The following FARS2 variants were observed in gnomAD, a reference collection of about 807,000 sequenced individuals.
FARS2 encodes the protein phenylalanine--tRNA ligase, mitochondrial.
Under a neutral mutation model 46.4 loss-of-function variants are expected in FARS2, and 40 were observed. The ratio of observed to expected loss-of-function variants is 0.86; its 90% CI spans 0.67 to 1.12. The LOEUF (loss-of-function observed/expected upper bound fraction) is 1.12, where lower values mean the gene tolerates loss of function less well. FARS2 is among the 50% of genes most tolerant of loss of function. The pLI, the probability that FARS2 is intolerant of heterozygous loss-of-function variation, is 0.00. For missense variants in FARS2, 513 were observed against 567.9 expected, an observed-to-expected ratio of 0.90 and a Z score of 0.98; for synonymous variants, 234 against 214.9, an observed-to-expected ratio of 1.09 and a Z score of -0.78.
rs1261439767 is a variant in FARS2 at position 5,414,820 on chromosome 6, T to TG, written c.772+10119_772+10120insG. 2.8e-4 allele frequency among the ~76,000 whole-genome samples: 39 copies of TG among 138,530 alleles called. 1 individual carries two copies. Among genetic ancestry groups the TG allele is most frequent in the Admixed American group, 2.5e-3 (34 of 13,666 alleles). The allele number at this position is 138,530 out of a possible 152,430, so 90.9% of individuals were successfully genotyped here. A position where few individuals can be genotyped will look rare whatever the true frequency, so the allele number is the denominator to read the frequency against. ...TGGTAGGTATATGACTGTTTTTTTT[T>TG]TTTTTTTTTTTTTGAGACAGAGTCT... On this transcript the variant is annotated intron_variant, in intron 3 of 6. Coordinates refer to ENST00000274680, the MANE Select transcript of FARS2 (RefSeq NM_006567.5).
chr6:5,380,078 G>C (rs1010757825), intron 2 of FARS2, among the ~76,000 whole-genome samples: 32 of 152,172 alleles, frequency 2.1e-4, no homozygotes, highest in Non-Finnish European at 2.2e-4. Context: ...CAAAATATTT[G>C]TTCTTAATTC....
intron 3 of FARS2, among the ~76,000 whole-genome samples, chr6:5,407,905 G>A (rs2127725302): frequency 6.6e-6 from 1 of 152,326 alleles, no homozygotes; most frequent in Non-Finnish European, 1.5e-5. Context: ...CCATTTTAGA[G>A]GCAGGGTGAG....
chr6:5,685,360 A>T (rs1757117529), intron 6 of FARS2, among the ~76,000 whole-genome samples: 1 of 152,066 alleles, frequency 6.6e-6, no homozygotes, highest in South Asian at 2.1e-4. Flanking sequence ...AGGTGGGGAG[A>T]TCCAATGGCT....
chr6:5,740,194 AG>A (rs1465369133), intron 6 of FARS2, among the ~76,000 whole-genome samples: 1 of 152,204 alleles, frequency 6.6e-6, no homozygotes, highest in African/African-American at 2.4e-5. Flanking sequence ...TATCTCCTCC[AG>A]GCTTATCATG....
rs2753247 is a variant in FARS2, at chr6:5,261,754, A to T, written c.-22+94A>T. On this transcript the variant is annotated intron_variant, in intron 1 of 6. Transcript: ENST00000274680. ...GCCGTGGATTTTTTCCTCTTTCCGG[A>T]TGTGTTTTTGCTTTTGAGTGAAGAG... 54,454 of 152,046 alleles carry T rather than the reference A, an allele frequency of 0.36. 11,804 individuals carry two copies. Among genetic ancestry groups the T allele is most frequent in the African/African-American group, 0.61 (25,398 of 41,422 alleles). 9.4% of individuals were successfully genotyped at this position (152,046 alleles called of 1,614,324 possible).
chr6:5,578,760 G>C (rs1773139182), intron 5 of FARS2, among the ~76,000 whole-genome samples: 1 of 141,636 alleles, frequency 7.1e-6, no homozygotes, highest in Admixed American at 7.4e-5. Context: ...AGTGAGCCCA[G>C]ATCGTGCCAC....
chr6:5,373,708 TGCAGTA>T (rs1344093084), intron 2 of FARS2, among the ~76,000 whole-genome samples: 1 of 152,120 alleles, frequency 6.6e-6, no homozygotes, highest in Non-Finnish European at 1.5e-5. Flanking sequence ...GCCCAGTCTA[TGCAGTA>T]GCAGTAGGCC....
At chr6:5,350,360 A>G (rs1038726406) in intron 1 of FARS2, among the ~76,000 whole-genome samples, 1 of 152,002 alleles carries the variant, frequency 6.6e-6, no homozygotes, top group Non-Finnish European at 1.5e-5. Context: ...TTGGAAAGAC[A>G]TTGTTTCTAG....
chr6:5,328,461 G>T (rs982778717), intron 1 of FARS2, among the ~76,000 whole-genome samples: 1 of 152,178 alleles, frequency 6.6e-6, no homozygotes, highest in African/African-American at 2.4e-5. Context: ...GTCATGTCAT[G>T]AAAGATGAAC....
intron 6 of FARS2, among the ~76,000 whole-genome samples, chr6:5,697,625 T>C (rs1582789632): frequency 1.3e-5 from 2 of 152,238 alleles, no homozygotes; most frequent in Admixed American, 6.5e-5. Flanking sequence ...GAAATAAGTA[T>C]GGCTTTCAAC....
chr6:5,417,793 G>T (rs892510387), intron 3 of FARS2, among the ~76,000 whole-genome samples: 3 of 152,184 alleles, frequency 2.0e-5, no homozygotes, highest in Non-Finnish European at 4.4e-5. Context: ...CTGGAAAATT[G>T]TGGTCAATTA....
Position 5,633,262 on chromosome 6 carries a change from C to CTTTTTT in FARS2, c.1217+19968_1217+19973dup, listed in dbSNP as rs59797062. Among the ~76,000 whole-genome samples, 43 of 50,092 alleles carry CTTTTTT rather than the reference C, an allele frequency of 8.6e-4. 1 individual carries two copies. The highest frequency in any genetic ancestry group is 1.6e-3 in the Admixed American group (5 of 3,032). 32.9% of individuals were successfully genotyped at this position (50,092 alleles called of 152,430 possible). ...TACAGGTACATGCCACCATCCCTGG[C>CTTTTTT]TTTTTTTTTTTTTTTTTTTTTTTTT... On this transcript the variant is annotated intron_variant, in intron 6 of 6. Coordinates refer to ENST00000274680, the MANE Select transcript of FARS2 (RefSeq NM_006567.5).
chr6:5,409,126 T>C (rs772747408), intron 3 of FARS2, among the ~76,000 whole-genome samples: 14 of 152,274 alleles, frequency 9.2e-5, no homozygotes, highest in Non-Finnish European at 1.8e-4. Flanking sequence ...TGTCCTGACA[T>C]GGTGGGCATG....
chr6:5,474,729 C>T (rs1363631355), intron 4 of FARS2, among the ~76,000 whole-genome samples: 2 of 142,240 alleles, frequency 1.4e-5, no homozygotes, highest in African/African-American at 5.2e-5. Flanking sequence ...GGCATGATCT[C>T]TGTTCACTGC....
At position 5,489,631 on chromosome 6, in the gene FARS2, C is replaced by T. The variant is rs114267134; in HGVS notation, c.905-55549C>T. ...GCTTCCATCTCTTTCCTTCTCTCTA[C>T]GCACGACGCCATTACTTCAGTTCTG... On this transcript the variant is annotated intron_variant, in intron 4 of 6. Coordinates refer to ENST00000274680, the MANE Select transcript of FARS2 (RefSeq NM_006567.5). Among the ~76,000 whole-genome samples the T allele has an allele frequency of 1.1e-3, 174 of 152,230 alleles. No individual in the cohort carries two copies. In the East Asian group the frequency reaches 0.014, roughly 12 times the overall value.
intron 4 of FARS2, among the ~76,000 whole-genome samples, chr6:5,462,822 C>G (rs1765316065): frequency 6.6e-6 from 1 of 152,174 alleles, no homozygotes; most frequent in Non-Finnish European, 1.5e-5. Context: ...CCAATTTTGT[C>G]AATCTCACAA....
At chr6:5,483,590 C>T (rs1378717926) in intron 4 of FARS2, among the ~76,000 whole-genome samples, 1 of 151,996 alleles carries the variant, frequency 6.6e-6, no homozygotes, top group Non-Finnish European at 1.5e-5. Context: ...TTGCCTGAAC[C>T]CAGGAGGCAG....
At chr6:5,300,013 G>A (rs1768182659) in intron 1 of FARS2, among the ~76,000 whole-genome samples, 1 of 152,166 alleles carries the variant, frequency 6.6e-6, no homozygotes. Context: ...TCTGTCAGTA[G>A]TTGGAGCAGA....
At chr6:5,377,742 T>G (rs947930263) in intron 2 of FARS2, among the ~76,000 whole-genome samples, 1 of 152,140 alleles carries the variant, frequency 6.6e-6, no homozygotes, top group African/African-American at 2.4e-5. Flanking sequence ...ATTTATTTAT[T>G]TTAAAGAGCT....
Sources: gnomAD v4.1 joint callset for allele counts (sites outside exome capture counted in the v4.1 genomes callset) on GRCh38, gnomAD v4.1.1 for gene constraint, MANE v1.5 for transcripts, NCBI Gene and HGNC (gene_info 2026-07-23, HGNC 2026-07-21) for gene names.